Variants in CCL15 observed in about 807,000 individuals in gnomAD.
The protein encoded by CCL15 is C-C motif chemokine 15.
Under a neutral mutation model 10.6 loss-of-function variants are expected in CCL15, and 8 were observed. The observed-to-expected ratio is 0.75, with a 90% confidence interval of 0.44 to 1.36. CCL15 has a LOEUF of 1.36. Ranked by LOEUF, CCL15 falls within the 40% of genes most tolerant of loss-of-function variation. The pLI is 0.00. For missense variants in CCL15, 128 were observed against 136.6 expected, an observed-to-expected ratio of 0.94 and a Z score of 0.32; for synonymous variants, 51 against 48.8, an observed-to-expected ratio of 1.04 and a Z score of -0.19.
At chr17:35,998,438 A>G in intron 2 of CCL15, 47 bp from the exon 3 acceptor site, 1 of 1,313,862 alleles carries the variant, frequency 7.6e-7, no homozygotes, top group Non-Finnish European at 1.1e-6. Context: ...TTCTCCTCGA[A>G]AGCACAGTGG....
chr17:35,997,911 G>T, intron 3 of CCL15, 51 bp from the exon 4 acceptor site: 1 of 1,431,262 alleles, frequency 7.0e-7, no homozygotes, highest in Non-Finnish European at 9.8e-7. Flanking sequence ...GGCAGATGGA[G>T]ACAGGGGGCC....
intron 2 of CCL15, 43 bp from the exon 3 acceptor site, chr17:35,998,434 T>G (rs757423848): frequency 2.2e-6 from 3 of 1,370,382 alleles, no homozygotes; most frequent in Non-Finnish European, 3.1e-6. Flanking sequence ...ATCTTTCTCC[T>G]CGAAAGCACA....
Position 35,998,906 on chromosome 17 carries a change from CATT to C in CCL15, c.93_95del (p.Met33del). 1.9e-6 allele frequency: 3 copies of C among 1,613,998 alleles called. No individual in the cohort carries two copies. Among genetic ancestry groups the C allele is most frequent in the Non-Finnish European group, 2.5e-6 (3 of 1,179,804 alleles). On this transcript the variant is annotated inframe_deletion, in exon 2 of 4. Coordinates refer to ENST00000617897, the MANE Select transcript of CCL15 (RefSeq NM_032965.6). ...GATTTTCCAGTGGAAGCTTTGACAT[CATT>C]AACTCTGTCTCTGCATCTGAAAGAA...
chr17:35,999,033 GCTGGACCACCACCAC>G (rs1362711656), intron 1 of CCL15, 108 bp from the exon 2 acceptor site: 11 of 880,002 alleles, frequency 1.3e-5, no homozygotes, highest in Non-Finnish European at 1.9e-5. Context: ...AGGCTCTGAA[GCTGGACCACCACCAC>G]CTGTCTGGGT....
intron 2 of CCL15, 61 bp from the exon 3 acceptor site, chr17:35,998,452 G>C (rs566887441): frequency 4.4e-6 from 5 of 1,140,900 alleles, no homozygotes; most frequent in South Asian, 3.8e-5. Context: ...ACAGTGGAGG[G>C]TGAGAAGGCA....
chr17:36,000,784 G>T (rs1047570047), intron 1 of CCL15, among the ~76,000 whole-genome samples: 3 of 151,766 alleles, frequency 2.0e-5, no homozygotes, highest in South Asian at 2.1e-4. Flanking sequence ...CCCCAATAAA[G>T]GTTCTGGCAT....
At chr17:35,998,466 G>A in intron 2 of CCL15, 75 bp from the exon 3 acceptor site, 1 of 989,502 alleles carries the variant, frequency 1.0e-6, no homozygotes, top group South Asian at 1.3e-5. Flanking sequence ...GAAGGCACAA[G>A]CCTCTGAAGA....
chr17:35,998,446 T>C (rs1286413754), intron 2 of CCL15, 55 bp from the exon 3 acceptor site: 2 of 1,227,886 alleles, frequency 1.6e-6, no homozygotes, highest in Non-Finnish European at 2.4e-6. Flanking sequence ...GAAAGCACAG[T>C]GGAGGGTGAG....
rs142483826 is a variant in CCL15 at position 36,001,486 on chromosome 17, C to T, written c.7G>A (p.Val3Ile). 3.0e-5 allele frequency: 48 copies of T among 1,613,540 alleles called. No individual in the cohort carries two copies. The African/African-American group carries it at 5.2e-4, about 17-fold the overall frequency. ...AGGCAGGAGAGGGCAGCCACGGAGA[C>T]CTTCATCCTCCTGGTGGGCAGGCAG... MK[V>I]SVAALSCLML... The change falls in exon 1 of 4, where the codon GTC (valine) becomes ATC (isoleucine). Residue 3 changes from valine to isoleucine, a missense_variant. By Grantham distance (29) the Val-to-Ile change is conservative. Transcript: ENST00000617897.
At position 35,997,838 on chromosome 17, in the gene CCL15, G is replaced by T. The variant is rs368864271; in HGVS notation, c.271C>A (p.Gln91Lys). ...GVIFLTKKGR[Q>K]VCAKPSGPGV... ...GGACCACTGGGTTTGGCACAGACTT[G>T]CCGCCCCTTCTTGGTGAGGAATCTG... The change falls in exon 4 of 4, where the codon CAA (glutamine) becomes AAA (lysine). Residue 91 changes from glutamine (Q) to lysine (K), a missense_variant. Physicochemically the swap from Gln to Lys is moderately conservative, Grantham distance 53 (BLOSUM62 1). Coordinates refer to ENST00000617897, the MANE Select transcript of CCL15 (RefSeq NM_032965.6). 1.2e-6 allele frequency: 2 copies of T among 1,613,868 alleles called. No homozygotes were observed. Among genetic ancestry groups the T allele is most frequent in the Non-Finnish European group, 1.7e-6 (2 of 1,179,808 alleles).
intron 2 of CCL15, 87 bp from the exon 3 acceptor site, chr17:35,998,478 A>G: frequency 1.1e-6 from 1 of 913,762 alleles, no homozygotes; most frequent in Non-Finnish European, 1.8e-6. Flanking sequence ...CTCTGAAGAC[A>G]TGTTTCTCCT....
chr17:35,998,489 C>T, intron 2 of CCL15, 98 bp from the exon 3 acceptor site: 2 of 868,944 alleles, frequency 2.3e-6, no homozygotes, highest in Non-Finnish European at 3.8e-6. Flanking sequence ...TGTTTCTCCT[C>T]CTCGGCTAGC....
chr17:35,999,576 G>T (rs752108598), intron 1 of CCL15, among the ~76,000 whole-genome samples: 16 of 151,432 alleles, frequency 1.1e-4, no homozygotes, highest in Non-Finnish European at 2.4e-4. Context: ...TGATCCTCCT[G>T]CCTCAGCCTC....
intron 1 of CCL15, among the ~76,000 whole-genome samples, chr17:36,000,874 G>A (rs2089987429): frequency 6.6e-6 from 1 of 152,008 alleles, no homozygotes; most frequent in African/African-American, 2.4e-5. Context: ...TTCCCTTGGG[G>A]CCCCGTGTGT....
Position 35,997,789 on chromosome 17 carries a change from T to G in CCL15, c.320A>C (p.Lys107Thr). The change falls in exon 4 of 4, where the codon AAG becomes ACG. Residue 107 changes from lysine to threonine, a missense_variant. By Grantham distance (78) the Lys-to-Thr change is moderately conservative (BLOSUM62 -1). Coordinates refer to ENST00000617897, the MANE Select transcript of CCL15 (RefSeq NM_032965.6). ...SGPGVQDCMK[K>T]LKPYSI is the part of the protein sequence containing the mutation. ...TTATTATATTGAGTAGGGCTTCAGC[T>G]TTTTCATGCAATCCTGAACTCCCGG... is the stretch of plus-strand genomic sequence containing the variant. 1 of 1,613,476 alleles carries G rather than the reference T, an allele frequency of 6.2e-7. No homozygotes were observed. The highest frequency in any genetic ancestry group is 8.5e-7 in the Non-Finnish European group (1 of 1,179,418).
At chr17:35,998,977 C>A in intron 1 of CCL15, 52 bp from the exon 2 acceptor site, 6 of 1,429,626 alleles carry the variant, frequency 4.2e-6, no homozygotes, top group Non-Finnish European at 5.9e-6. Context: ...CAGTATGTTT[C>A]AACATCTCCA....
intron 1 of CCL15, among the ~76,000 whole-genome samples, chr17:36,001,026 C>A (rs1265042611): frequency 6.6e-6 from 1 of 152,202 alleles, no homozygotes; most frequent in South Asian, 2.1e-4. Context: ...GAGTCACTTA[C>A]CTGGCTGGTT....
chr17:35,997,643 C>G lies in CCL15; in HGVS notation c.*124G>C, dbSNP rs1422059692. ...AAGCAAAGTTAAAAAATTGAATACTCTTTATTAGATGCATTACTTTCATTA... is the reference window on the plus strand; with the variant it reads ...AAGCAAAGTTAAAAAATTGAATACTGTTTATTAGATGCATTACTTTCATTA... On this transcript the variant is annotated 3_prime_UTR_variant, in exon 4 of 4. Coordinates refer to ENST00000617897, the MANE Select transcript of CCL15 (RefSeq NM_032965.6). 1 of 629,262 alleles carries G rather than the reference C, an allele frequency of 1.6e-6. No homozygotes were observed. Among genetic ancestry groups the G allele is most frequent in the South Asian group, 2.0e-5 (1 of 48,892 alleles). The allele number at this position is 629,262 out of a possible 1,614,324, so 39.0% of individuals were successfully genotyped here.
chr17:35,998,244 C>T, intron 3 of CCL15, 36 bp downstream of exon 3: 2 of 1,423,996 alleles, frequency 1.4e-6, no homozygotes, highest in Non-Finnish European at 2.0e-6. Context: ...TGGGCTGCTT[C>T]TTCCCCAACA....
Sources: gnomAD v4.1 joint callset for allele counts (sites outside exome capture counted in the v4.1 genomes callset) on GRCh38, gnomAD v4.1.1 for gene constraint, MANE v1.5 for transcripts, NCBI Gene and HGNC (gene_info 2026-07-23, HGNC 2026-07-21) for gene names.